Variants in FYB1 observed in about 807,000 individuals in gnomAD.
The protein encoded by FYB1 is FYN-binding protein 1.
FYB1 carries 41 observed loss-of-function variants against 94.1 expected under a neutral mutation model. The observed-to-expected ratio is 0.44, with a 90% CI of 0.34 to 0.57. The LOEUF (loss-of-function observed/expected upper bound fraction) is 0.57. FYB1 is among the 20% of genes least tolerant of loss of function. FYB1 has a pLI of 0.02. For missense variants in FYB1, 1,050 were observed against 976.8 expected (o/e 1.07, Z -1.00); for synonymous variants, 367 against 353.2 (o/e 1.04, Z -0.44).
intron 2 of FYB1, among the ~76,000 whole-genome samples, chr5:39,176,137 GTTTTTTTTTT>G (rs70982547): frequency 0.01 from 625 of 61,670 alleles, 11 homozygotes; most frequent in African/African-American, 0.032. Flanking sequence ...TTTTTTTTCT[GTTTTTTTTTT>G]TTTTTTTTTT....
upstream of FYB1, among the ~76,000 whole-genome samples, chr5:39,221,137 A>T (rs143155523): frequency 3.5e-3 from 529 of 152,198 alleles, 7 homozygotes; most frequent in African/African-American, 0.012. Flanking sequence ...GTTTTAGTCA[A>T]TGGGATCTAT....
At position 39,107,199 on chromosome 5, in the gene FYB1, C is replaced by T. The variant is rs575956394; in HGVS notation, c.*244G>A. On this transcript the variant is annotated 3_prime_UTR_variant, in exon 19 of 19. Transcript: ENST00000512982. ...AACTTCTTCATAATTGTAGCCAAAG[C>T]GGAAATGGAATATTTAATAATTCTT... 1.7e-5 allele frequency: 5 copies of T among 294,838 alleles called. No individual in the cohort carries two copies. The highest frequency in any genetic ancestry group is 1.1e-3 in the Middle Eastern group (1 of 934). 18.3% of individuals were successfully genotyped at this position (294,838 alleles called of 1,614,324 possible). A position where few individuals can be genotyped will look rare whatever the true frequency, so the allele number is the denominator to read the frequency against.
intron 1 of FYB1, among the ~76,000 whole-genome samples, chr5:39,242,527 T>A (rs901721574): frequency 6.6e-6 from 1 of 152,154 alleles, no homozygotes; most frequent in African/African-American, 2.4e-5. Flanking sequence ...ATTTTCTTAA[T>A]CCAATCTATC....
At chr5:39,268,893 A>G (rs1752551958) in intron 1 of FYB1, among the ~76,000 whole-genome samples, 2 of 151,844 alleles carry the variant, frequency 1.3e-5, no homozygotes, top group Non-Finnish European at 2.9e-5. Context: ...GAAAACAATA[A>G]TCTTTAAAAA....
At chr5:39,204,933 C>T (rs908508579) in intron 1 of FYB1, among the ~76,000 whole-genome samples, 2 of 152,150 alleles carry the variant, frequency 1.3e-5, no homozygotes, top group Admixed American at 1.3e-4. Flanking sequence ...TTCTACCACC[C>T]CTGACTTCCT....
chr5:39,213,192 T>C (rs1749572257), intron 1 of FYB1, among the ~76,000 whole-genome samples: 1 of 152,190 alleles, frequency 6.6e-6, no homozygotes, highest in African/African-American at 2.4e-5. Context: ...AATTAGTTTT[T>C]AGTGTTATTA....
At chr5:39,188,476 G>A (rs1257127459) in intron 2 of FYB1, among the ~76,000 whole-genome samples, 3 of 148,060 alleles carry the variant, frequency 2.0e-5, no homozygotes, top group Non-Finnish European at 4.5e-5. Flanking sequence ...TAACCCCAAC[G>A]TACCACCCCA....
At chr5:39,196,491 G>A (rs1367188996) in intron 2 of FYB1, among the ~76,000 whole-genome samples, 2 of 152,020 alleles carry the variant, frequency 1.3e-5, no homozygotes, top group East Asian at 1.9e-4. Context: ...CACCGCACCC[G>A]GTCTGGTTAA....
At chr5:39,136,716 A>G (rs1741706024) in intron 7 of FYB1, among the ~76,000 whole-genome samples, 1 of 152,204 alleles carries the variant, frequency 6.6e-6, no homozygotes, top group South Asian at 2.1e-4. Flanking sequence ...TTGATGCTAT[A>G]CATTTTCCTT....
chr5:39,217,873 T>C (rs1749992118), intron 1 of FYB1, among the ~76,000 whole-genome samples: 1 of 152,208 alleles, frequency 6.6e-6, no homozygotes, highest in African/African-American at 2.4e-5. Context: ...GTTAACGTAT[T>C]GTGTAAATGG....
chr5:39,119,105 G>T, intron 15 of FYB1, 69 bp from the exon 16 acceptor site: 1 of 703,050 alleles, frequency 1.4e-6, no homozygotes, highest in Non-Finnish European at 2.1e-6. Context: ...ATTTATGGAT[G>T]GATTTATTAA....
At chr5:39,119,494 A>G in intron 15 of FYB1, 41 bp downstream of exon 15, 3 of 1,375,530 alleles carry the variant, frequency 2.2e-6, no homozygotes, top group Non-Finnish European at 2.9e-6. Flanking sequence ...GGATTTTTCA[A>G]TAGTGCTTTG....
At chr5:39,239,757 T>C (rs1020182270) in intron 1 of FYB1, among the ~76,000 whole-genome samples, 5 of 152,176 alleles carry the variant, frequency 3.3e-5, no homozygotes, top group Admixed American at 6.5e-5. Flanking sequence ...GCAGGTTCAA[T>C]GCTAATTCTA....
chr5:39,208,380 A>T (rs1042106211), intron 1 of FYB1, among the ~76,000 whole-genome samples: 1 of 152,234 alleles, frequency 6.6e-6, no homozygotes. Context: ...ATCATGGTGG[A>T]GGCAGTAAAT....
At chr5:39,131,929 T>G (rs1057131118) in intron 9 of FYB1, among the ~76,000 whole-genome samples, 1 of 151,990 alleles carries the variant, frequency 6.6e-6, no homozygotes, top group African/African-American at 2.4e-5. Context: ...AAACATTTGA[T>G]GAAGTGAAGA....
intron 2 of FYB1, among the ~76,000 whole-genome samples, chr5:39,190,636 G>T (rs532292730): frequency 6.6e-6 from 1 of 152,280 alleles, no homozygotes; most frequent in Admixed American, 6.5e-5. Flanking sequence ...TAAATGGCTT[G>T]TATCAGGTCT....
intron 1 of FYB1, among the ~76,000 whole-genome samples, chr5:39,204,895 T>A (rs931372685): frequency 6.6e-6 from 1 of 152,162 alleles, no homozygotes; most frequent in African/African-American, 2.4e-5. Context: ...AAACTGCTTG[T>A]TTTCTACCTT....
intron 1 of FYB1, among the ~76,000 whole-genome samples, chr5:39,210,153 T>C (rs1207499534): frequency 2.0e-5 from 3 of 152,190 alleles, no homozygotes; most frequent in Admixed American, 2.0e-4. Context: ...AACCCCTGTA[T>C]GTTTTTCAGT....
At chr5:39,169,289 C>CAT (rs1745027964) in intron 2 of FYB1, 2 of 904,096 alleles carry the variant, frequency 2.2e-6, no homozygotes, top group Non-Finnish European at 3.7e-6. Flanking sequence ...GAAGCCAAGC[C>CAT]ATATATATAA....
Sources: gnomAD v4.1 joint callset for allele counts (sites outside exome capture counted in the v4.1 genomes callset) on GRCh38, gnomAD v4.1.1 for gene constraint, MANE v1.5 for transcripts, NCBI Gene and HGNC (gene_info 2026-07-23, HGNC 2026-07-21) for gene names.